The following ZNF682 variants were observed in gnomAD, a reference collection of about 807,000 sequenced individuals.
ZNF682 encodes zinc finger protein 682.
Under a neutral mutation model 36.5 loss-of-function variants are expected in ZNF682, and 29 were observed. The ratio of observed to expected loss-of-function variants is 0.80; its 90% CI spans 0.59 to 1.08. The LOEUF (loss-of-function observed/expected upper bound fraction) is 1.08, where lower values mean the gene tolerates loss of function less well. Ranked by LOEUF, ZNF682 falls within the 50% of genes least tolerant of loss-of-function variation. The pLI is 0.00. For missense variants in ZNF682, 561 were observed against 579.7 expected (o/e 0.97, Z 0.33); for synonymous variants, 180 against 197.0 (o/e 0.91, Z 0.72).
At chr19:20,037,689 C>G (rs1043171585) in intron 1 of ZNF682, among the ~76,000 whole-genome samples, 2 of 152,150 alleles carry the variant, frequency 1.3e-5, no homozygotes, top group Non-Finnish European at 2.9e-5. Flanking sequence ...TTTTGCTTTG[C>G]AGGTTTTTGC....
At chr19:20,028,564 C>G (rs1298617377) in intron 1 of ZNF682, among the ~76,000 whole-genome samples, 1 of 152,172 alleles carries the variant, frequency 6.6e-6, no homozygotes. Flanking sequence ...ACAGCTAATG[C>G]TGACCCTGCT....
chr19:20,015,326 C>G, intron 3 of ZNF682: 2 of 985,168 alleles, frequency 2.0e-6, no homozygotes, highest in Non-Finnish European at 2.4e-6. Context: ...GAGTCACAAA[C>G]AAAATGGGGT....
intron 1 of ZNF682, among the ~76,000 whole-genome samples, chr19:20,025,839 C>T (rs918279304): frequency 4.6e-5 from 7 of 152,052 alleles, no homozygotes; most frequent in Non-Finnish European, 1.0e-4. Flanking sequence ...CATCTTTATG[C>T]AAAGTTCAAG....
Position 20,024,290 on chromosome 19 carries a change from C to T in ZNF682, c.90G>A (p.Arg30=). ...FLNPAQQSLY[R]KVMLENYRNL... ...TTCTGTAGTTCTCTAGCATCACTTT[C>T]CTATACAAACTCTGCTGAGCAGGGT... The change falls in exon 2 of 4, where the codon AGG becomes AGA. Residue 30 remains arginine (R), a synonymous_variant. Transcript: ENST00000397165. 6.2e-7 allele frequency: 1 copy of T among 1,614,104 alleles called. No individual in the cohort carries two copies. The highest frequency in any genetic ancestry group is 8.5e-7 in the Non-Finnish European group (1 of 1,179,976).
In ZNF682 at chr19:20,039,208, G is replaced by A. The variant is rs2088561706; in HGVS notation, c.3+135C>T. 3 of 1,452,854 alleles carry A rather than the reference G, an allele frequency of 2.1e-6. No individual in the cohort carries two copies. In the Admixed American group the frequency reaches 6.9e-5, roughly 33 times the overall value. The allele number at this position is 1,452,854 out of a possible 1,614,324, so 90.0% of individuals were successfully genotyped here. A position where few individuals can be genotyped will look rare whatever the true frequency, so the allele number is the denominator to read the frequency against. On this transcript the variant is annotated intron_variant, in intron 1 of 3. Coordinates refer to ENST00000397165, the MANE Select transcript of ZNF682 (RefSeq NM_033196.3). ...GTGCCCGGAGGTGATCGACGGCCGA[G>A]CTGTGCCTGCCGGGGACTCCAGTCC...
downstream of ZNF682, among the ~76,000 whole-genome samples, chr19:20,001,272 T>C (rs2088166778): frequency 6.6e-6 from 1 of 152,224 alleles, no homozygotes; most frequent in Admixed American, 6.5e-5. Flanking sequence ...GCTTCAGTCC[T>C]ACAGAACTTC....
At chr19:19,999,445 G>T (rs1283364523), downstream of ZNF682, among the ~76,000 whole-genome samples, 5 of 152,156 alleles carry the variant, frequency 3.3e-5, no homozygotes, top group African/African-American at 9.7e-5. Flanking sequence ...GCTGAAGTTG[G>T]TTGGAACTAA....
At chr19:20,036,140 G>A (rs977050746) in intron 1 of ZNF682, among the ~76,000 whole-genome samples, 3 of 152,150 alleles carry the variant, frequency 2.0e-5, no homozygotes, top group African/African-American at 7.2e-5. Context: ...GGTACAGAGC[G>A]TACTCTGAGC....
At position 20,006,297 on chromosome 19, in the gene ZNF682, C is replaced by T; in HGVS notation, c.1205G>A (p.Cys402Tyr). ...TGAGGACCAGTTAAAAGCTTTGCCA[C>T]ATTCTTCACATTTGTAGGGTTTCTC... ...TGEKPYKCEE[C>Y]GKAFNWSSIL... The change falls in exon 4 of 4, where the codon TGT (cysteine) becomes TAT (tyrosine). Residue 402 changes from cysteine (C) to tyrosine (Y), a missense_variant. Physicochemically the swap from Cys to Tyr is radical, Grantham distance 194 (BLOSUM62 -2). Transcript: ENST00000397165. 1 of 1,613,644 alleles carries T rather than the reference C, an allele frequency of 6.2e-7. No individual in the cohort carries two copies. Among genetic ancestry groups the T allele is most frequent in the East Asian group, 2.2e-5 (1 of 44,872 alleles).
intron 3 of ZNF682, among the ~76,000 whole-genome samples, chr19:20,010,946 A>G (rs1412300074): frequency 6.6e-6 from 1 of 152,102 alleles, no homozygotes; most frequent in Non-Finnish European, 1.5e-5. Flanking sequence ...GCCTGCCAAC[A>G]GAGCGAGACT....
At chr19:20,002,633 T>C (rs2088175998), downstream of ZNF682, among the ~76,000 whole-genome samples, 1 of 152,198 alleles carries the variant, frequency 6.6e-6, no homozygotes, top group Non-Finnish European at 1.5e-5. Context: ...TAAATGGTGA[T>C]GTCCTCACGG....
At chr19:20,036,100 A>T (rs2122395184) in intron 1 of ZNF682, among the ~76,000 whole-genome samples, 1 of 152,296 alleles carries the variant, frequency 6.6e-6, no homozygotes, top group Non-Finnish European at 1.5e-5. Flanking sequence ...TAACTATGCC[A>T]ACTGTTCTTA....
downstream of ZNF682, among the ~76,000 whole-genome samples, chr19:19,995,269 G>A (rs986829686): frequency 6.6e-6 from 1 of 152,124 alleles, no homozygotes; most frequent in South Asian, 2.1e-4. Context: ...AATGGAAAAG[G>A]TTTACACTCA....
intron 3 of ZNF682, among the ~76,000 whole-genome samples, chr19:20,016,891 T>G (rs987760874): frequency 1.3e-5 from 2 of 152,132 alleles, no homozygotes; most frequent in East Asian, 3.8e-4. Context: ...AACACAAATT[T>G]GCATAAATCT....
chr19:20,011,505 A>C (rs1404777826), intron 3 of ZNF682, among the ~76,000 whole-genome samples: 1 of 152,214 alleles, frequency 6.6e-6, no homozygotes, highest in East Asian at 1.9e-4. Flanking sequence ...ACACACATAC[A>C]TTCTCATCTG....
chr19:20,029,824 A>T (rs1174158128), intron 1 of ZNF682, among the ~76,000 whole-genome samples: 1 of 7,396 alleles, frequency 1.4e-4, no homozygotes, highest in Non-Finnish European at 3.5e-4. Context: ...GTTTTAATTA[A>T]AAAAAAAAAT....
At chr19:20,037,960 G>T (rs1020603083) in intron 1 of ZNF682, among the ~76,000 whole-genome samples, 1 of 152,200 alleles carries the variant, frequency 6.6e-6, no homozygotes, top group African/African-American at 2.4e-5. Context: ...TACCTGGCAG[G>T]GTTGCCCCTG....
intron 3 of ZNF682, among the ~76,000 whole-genome samples, chr19:20,016,534 G>T (rs1184733703): frequency 6.6e-6 from 1 of 151,754 alleles, no homozygotes; most frequent in Non-Finnish European, 1.5e-5. Context: ...AAAAATTGTG[G>T]AACTGAATAC....
Position 20,012,833 on chromosome 19 carries a change from G to A in ZNF682, c.227-5558C>T, listed in dbSNP as rs538155292. Among the ~76,000 whole-genome samples the A allele has an allele frequency of 1.6e-3, 245 of 151,126 alleles. 1 individual carries two copies. Among genetic ancestry groups the A allele is most frequent in the African/African-American group, 5.8e-3 (237 of 41,216 alleles). ...AACAGAAATAATTCATTAAAAAGTG[G>A]TCAAAGGACATGGTCATTTCTCAAA... On this transcript the variant is annotated intron_variant, in intron 3 of 3. Transcript: ENST00000397165.
Sources: gnomAD v4.1 joint callset for allele counts (sites outside exome capture counted in the v4.1 genomes callset) on GRCh38, gnomAD v4.1.1 for gene constraint, MANE v1.5 for transcripts, NCBI Gene and HGNC (gene_info 2026-07-23, HGNC 2026-07-21) for gene names.